Variants in ZBTB25 observed in about 807,000 individuals in gnomAD.
The protein encoded by ZBTB25 is zinc finger and BTB domain-containing protein 25.
ZBTB25 carries 20 observed loss-of-function variants against 34.2 expected under a neutral mutation model. That is an observed-to-expected ratio of 0.58 (90% CI 0.41 to 0.85). The LOEUF is 0.85. Ranked by LOEUF, ZBTB25 falls within the 40% of genes least tolerant of loss-of-function variation. ZBTB25 has a pLI of 0.00. For synonymous variants in ZBTB25, 175 were observed against 186.4 expected, an observed-to-expected ratio of 0.94 and a Z score of 0.50; for missense variants, 437 against 521.8, an observed-to-expected ratio of 0.84 and a Z score of 1.58.
intron 2 of ZBTB25, chr14:64,469,732 T>C: frequency 1.6e-6 from 2 of 1,281,878 alleles, no homozygotes; most frequent in Non-Finnish European, 2.1e-6. Context: ...AATTCTTTTA[T>C]ACATTTGTGG....
rs964635170 is a variant in ZBTB25 at position 64,478,840 on chromosome 14, A to AT, written c.*8082dup. 1 of 152,154 alleles carries AT rather than the reference A, an allele frequency of 6.6e-6. No individual in the cohort carries two copies. The highest frequency in any genetic ancestry group is 1.5e-5 in the Non-Finnish European group (1 of 68,026). The allele number at this position is 152,154 out of a possible 1,614,324, so 9.4% of individuals were successfully genotyped here. A position where few individuals can be genotyped will look rare whatever the true frequency, so the allele number is the denominator to read the frequency against. On this transcript the variant is annotated 3_prime_UTR_variant, in exon 3 of 3. Coordinates refer to ENST00000608382, the MANE Select transcript of ZBTB25 (RefSeq NM_006977.5). Reference sequence around the variant, plus strand: ...AATGCTGAATTCAAGTATAATGAACATTTTTTTAAAGGTACACTGGTGCCA... The same window carrying AT: ...AATGCTGAATTCAAGTATAATGAACATTTTTTTTAAAGGTACACTGGTGCCA...
chr14:64,467,293 C>G (rs1374690799), intron 2 of ZBTB25: 4 of 152,184 alleles, frequency 2.6e-5, no homozygotes, highest in African/African-American at 9.6e-5. Context: ...ATACCACCAT[C>G]TTTGTAATAT....
Position 64,481,291 on chromosome 14 carries a change from C to G in ZBTB25, c.*5632G>C, listed in dbSNP as rs1216781428. ...CCAGGCTGGTCTCGGACTCCTGGGC[C>G]TTGGCCTCCCAAAGTGCTGGGATTA... On this transcript the variant is annotated 3_prime_UTR_variant, in exon 3 of 3. Coordinates refer to ENST00000608382, the MANE Select transcript of ZBTB25 (RefSeq NM_006977.5). 6.6e-6 allele frequency: 1 copy of G among 152,210 alleles called. No homozygotes were observed. The highest frequency in any genetic ancestry group is 2.4e-5 in the African/African-American group (1 of 41,436). 9.4% of individuals were successfully genotyped at this position (152,210 alleles called of 1,614,324 possible).
chr14:64,468,915 C>T (rs761654705), intron 2 of ZBTB25: 2 of 1,614,124 alleles, frequency 1.2e-6, no homozygotes, highest in Non-Finnish European at 8.5e-7. Flanking sequence ...GATCAGGCAA[C>T]AAAGGCTAAG....
intron 2 of ZBTB25, chr14:64,459,995 C>A (rs1229018730): frequency 3.6e-6 from 5 of 1,384,840 alleles, no homozygotes; most frequent in Non-Finnish European, 4.9e-6. Flanking sequence ...TAAAAGGAAA[C>A]AAGTTTGCCA....
Position 64,481,457 on chromosome 14 carries a change from A to G in ZBTB25, c.*5466T>C, listed in dbSNP as rs1055953146. 4 of 152,250 alleles carry G rather than the reference A, an allele frequency of 2.6e-5. No homozygotes were observed. Among genetic ancestry groups the G allele is most frequent in the African/African-American group, 9.6e-5 (4 of 41,460 alleles). The allele number at this position is 152,250 out of a possible 1,614,324, so 9.4% of individuals were successfully genotyped here. On this transcript the variant is annotated 3_prime_UTR_variant, in exon 3 of 3. Coordinates refer to ENST00000608382, the MANE Select transcript of ZBTB25 (RefSeq NM_006977.5). Reference sequence around the variant, plus strand: ...GTCTCCTGTATTAGCTATGTGTTACATGTACTTTGAAGATTTTTCAGTGGG... The same window carrying G: ...GTCTCCTGTATTAGCTATGTGTTACGTGTACTTTGAAGATTTTTCAGTGGG...
downstream of ZBTB25, among the ~76,000 whole-genome samples, chr14:64,475,342 G>A (rs59927029): frequency 5.7e-4 from 86 of 152,194 alleles, 2 homozygotes; most frequent in East Asian, 0.016. Context: ...GGGAGGCTGA[G>A]GCAGGAGAAT....
At chr14:64,493,594 C>T (rs1001304666) in intron 1 of ZBTB25, among the ~76,000 whole-genome samples, 4 of 152,000 alleles carry the variant, frequency 2.6e-5, no homozygotes, top group African/African-American at 9.7e-5. Flanking sequence ...AAAGTAATCG[C>T]AGTGGGAATG....
chr14:64,475,242 A>G (rs1305412988), downstream of ZBTB25, among the ~76,000 whole-genome samples: 1 of 152,158 alleles, frequency 6.6e-6, no homozygotes, highest in Non-Finnish European at 1.5e-5. Flanking sequence ...GATGGAAACC[A>G]TCCTGGCTAA....
Position 64,453,797 on chromosome 14 carries a change from A to G in ZBTB25, c.174-4159T>C. On this transcript the variant is annotated intron_variant, in intron 2 of 2. Transcript: ENST00000555220. ...ATCAGGATCATTGCACAGAAGATCT[A>G]TGGAGCAGATGACATTGAATTACTT... 3 of 1,613,156 alleles carry G rather than the reference A, an allele frequency of 1.9e-6. No individual in the cohort carries two copies. Among genetic ancestry groups the G allele is most frequent in the Non-Finnish European group, 2.5e-6 (3 of 1,179,206 alleles).
chr14:64,491,251 A>G (rs2079065379), intron 1 of ZBTB25, among the ~76,000 whole-genome samples: 1 of 152,212 alleles, frequency 6.6e-6, no homozygotes, highest in Admixed American at 6.5e-5. Flanking sequence ...GGGTTGCTTG[A>G]GCCCAGGTAT....
chr14:64,475,812 G>A (rs913705692), downstream of ZBTB25, among the ~76,000 whole-genome samples: 13 of 152,272 alleles, frequency 8.5e-5, no homozygotes, highest in Non-Finnish European at 1.8e-4. Flanking sequence ...AACTGTCTCC[G>A]TAAACTCCAG....
At position 64,480,556 on chromosome 14, in the gene ZBTB25, C is replaced by T; in HGVS notation, c.*6367G>A. 5.0e-6 allele frequency: 1 copy of T among 201,190 alleles called. No homozygotes were observed. The allele number at this position is 201,190 out of a possible 1,614,324, so 12.5% of individuals were successfully genotyped here. ...ACTTGCCTCAACACTAGGAACACAA[C>T]ATTTGGCAAACACTGATGTAAAATA... On this transcript the variant is annotated 3_prime_UTR_variant, in exon 3 of 3. Coordinates refer to ENST00000608382, the MANE Select transcript of ZBTB25 (RefSeq NM_006977.5).
At chr14:64,473,574 T>C (rs1277697890), downstream of ZBTB25, 1 of 167,138 alleles carries the variant, frequency 6.0e-6, no homozygotes, top group African/African-American at 2.4e-5. Context: ...TCCATAAATT[T>C]CTAACTTCAA....
chr14:64,467,823 G>T (rs912656608), intron 2 of ZBTB25: 1 of 152,024 alleles, frequency 6.6e-6, no homozygotes, highest in African/African-American at 2.4e-5. Flanking sequence ...TTTGGTTCTT[G>T]TTGTTTGCTT....
In ZBTB25 at chr14:64,501,788, C is replaced by T. The variant is rs79202696; in HGVS notation, c.-8+1873G>A. 4.7e-4 allele frequency among the ~76,000 whole-genome samples: 71 copies of T among 152,332 alleles called. 2 individuals are homozygous for T. The East Asian group carries it at 0.01, about 22-fold the overall frequency. On this transcript the variant is annotated intron_variant, in intron 1 of 2. Transcript: ENST00000608382. ...CCAAGGCACCTCCTCCCCAGCTAGA[C>T]AGCCTGGCTCCTTCACATTCCCCTC... is the stretch of plus-strand genomic sequence containing the variant.
Position 64,480,314 on chromosome 14 carries a change from C to G in ZBTB25, c.*6609G>C. On this transcript the variant is annotated 3_prime_UTR_variant, in exon 3 of 3. Coordinates refer to ENST00000608382, the MANE Select transcript of ZBTB25 (RefSeq NM_006977.5). ...CTCCAGCCTGGGCAACAGAGCAAGA[C>G]TCCATCTCAAAAAAAAAAAAAAAAA... 3.1e-6 allele frequency: 1 copy of G among 322,884 alleles called. No homozygotes were observed. Among genetic ancestry groups the G allele is most frequent in the South Asian group, 2.1e-5 (1 of 46,586 alleles). The allele number at this position is 322,884 out of a possible 1,614,324, so 20.0% of individuals were successfully genotyped here. A position where few individuals can be genotyped will look rare whatever the true frequency, so the allele number is the denominator to read the frequency against.
At chr14:64,502,088 C>T (rs2079517037) in intron 1 of ZBTB25, among the ~76,000 whole-genome samples, 1 of 152,210 alleles carries the variant, frequency 6.6e-6, no homozygotes, top group Non-Finnish European at 1.5e-5. Flanking sequence ...AACATGAAGA[C>T]AGTACCATCT....
intron 1 of ZBTB25, among the ~76,000 whole-genome samples, chr14:64,498,794 C>A (rs978451300): frequency 1.5e-4 from 23 of 152,016 alleles, no homozygotes; most frequent in African/African-American, 5.6e-4. Flanking sequence ...CCACCACACC[C>A]AGCTAATTTT....
Sources: allele counts gnomAD v4.1 joint callset (sites outside exome capture counted in the v4.1 genomes callset), GRCh38; gene constraint gnomAD v4.1.1; transcripts MANE v1.5; gene names NCBI Gene and HGNC (gene_info 2026-07-23, HGNC 2026-07-21).